The following EFNA5 variants were observed in gnomAD, a reference collection of about 807,000 sequenced individuals.
EFNA5 encodes ephrin A5.
In EFNA5, 5 loss-of-function variants were observed where a neutral mutation model predicts 22.9. The observed-to-expected ratio is 0.22, with a 90% CI of 0.11 to 0.46. EFNA5 has a LOEUF of 0.46. Ranked by LOEUF, EFNA5 falls within the 20% of genes least tolerant of loss-of-function variation. EFNA5 has a pLI of 0.99. For synonymous variants in EFNA5, 113 were observed against 112.2 expected (o/e 1.01, Z -0.04); for missense variants, 237 against 293.3 (o/e 0.81, Z 1.40).
Position 107,575,798 on chromosome 5 carries a change from T to C in EFNA5, c.125+94691A>G, listed in dbSNP as rs547761195. Among the ~76,000 whole-genome samples the C allele has an allele frequency of 1.4e-3, 219 of 152,288 alleles. 1 individual carries two copies. The highest frequency in any genetic ancestry group is 1.0e-3 in the Non-Finnish European group (71 of 68,028). The stretch of plus-strand genomic sequence containing the variant: ...GAGATTATAAAGAAAAAAGACAGCA[T>C]CTAGGATTCCACCTATTTAACATGA... On this transcript the variant is annotated intron_variant, in intron 1 of 4. Transcript: ENST00000333274.
chr5:107,418,080 T>C (rs567815646), intron 2 of EFNA5, among the ~76,000 whole-genome samples: 1 of 152,352 alleles, frequency 6.6e-6, no homozygotes, highest in South Asian at 2.1e-4. Context: ...AGATTGACTA[T>C]GCATTTGGTG....
chr5:107,510,000 T>C (rs1001331840), intron 1 of EFNA5, among the ~76,000 whole-genome samples: 14 of 152,322 alleles, frequency 9.2e-5, no homozygotes, highest in Non-Finnish European at 1.5e-4. Flanking sequence ...ATAAGGGCTA[T>C]GTAAAATGAG....
intron 1 of EFNA5, among the ~76,000 whole-genome samples, chr5:107,434,234 G>GT (rs1406530018): frequency 5.9e-5 from 9 of 152,184 alleles, no homozygotes; most frequent in African/African-American, 2.2e-4. Flanking sequence ...CTCTGACCCT[G>GT]TCTCTTGGTT....
At chr5:107,605,260 T>A (rs776751719) in intron 1 of EFNA5, among the ~76,000 whole-genome samples, 1 of 152,054 alleles carries the variant, frequency 6.6e-6, no homozygotes, top group Non-Finnish European at 1.5e-5. Flanking sequence ...AAGGAAAGCA[T>A]ATATATGACC....
At chr5:107,390,844 A>G (rs928403124) in intron 2 of EFNA5, among the ~76,000 whole-genome samples, 1 of 152,224 alleles carries the variant, frequency 6.6e-6, no homozygotes, top group Non-Finnish European at 1.5e-5. Flanking sequence ...AGCTTCATCT[A>G]TCATTTCAAA....
intron 1 of EFNA5, among the ~76,000 whole-genome samples, chr5:107,482,961 G>T (rs1378768705): frequency 6.6e-6 from 1 of 150,464 alleles, no homozygotes; most frequent in Non-Finnish European, 1.5e-5. Context: ...AAATTGAAAA[G>T]AGCACTGAGG....
intron 1 of EFNA5, among the ~76,000 whole-genome samples, chr5:107,551,514 G>A (rs956292787): frequency 6.6e-6 from 1 of 152,140 alleles, no homozygotes; most frequent in Non-Finnish European, 1.5e-5. Context: ...TGGTCAGCAA[G>A]AAAACGGAAG....
intron 1 of EFNA5, among the ~76,000 whole-genome samples, chr5:107,621,513 T>C (rs1750036509): frequency 6.6e-6 from 1 of 152,132 alleles, no homozygotes. Context: ...ATTTCATATC[T>C]GATTATATGA....
chr5:107,535,519 C>T (rs1186442466), intron 1 of EFNA5, among the ~76,000 whole-genome samples: 5 of 151,828 alleles, frequency 3.3e-5, no homozygotes, highest in Non-Finnish European at 7.4e-5. Context: ...TAAGATTAAT[C>T]AAATGATAAA....
At chr5:107,406,347 C>A (rs781240393) in intron 2 of EFNA5, among the ~76,000 whole-genome samples, 2 of 151,972 alleles carry the variant, frequency 1.3e-5, no homozygotes, top group Non-Finnish European at 2.9e-5. Context: ...ACGTTCCTTT[C>A]CCTTTGTTCA....
At chr5:107,403,282 G>A (rs896463947) in intron 2 of EFNA5, among the ~76,000 whole-genome samples, 6 of 152,140 alleles carry the variant, frequency 3.9e-5, no homozygotes, top group Non-Finnish European at 7.3e-5. Context: ...TTTAAAACAA[G>A]AACACATCTC....
intron 1 of EFNA5, among the ~76,000 whole-genome samples, chr5:107,487,844 A>T (rs1203868930): frequency 6.6e-6 from 1 of 152,244 alleles, no homozygotes; most frequent in Non-Finnish European, 1.5e-5. Context: ...AACAGGTGCC[A>T]ACAAATATTT....
intron 1 of EFNA5, among the ~76,000 whole-genome samples, chr5:107,641,470 A>G (rs959948783): frequency 1.3e-5 from 2 of 152,198 alleles, no homozygotes; most frequent in African/African-American, 4.8e-5. Flanking sequence ...TTTCTGATTA[A>G]GGTTACTATG....
chr5:107,527,756 G>A (rs1399355757), intron 1 of EFNA5, among the ~76,000 whole-genome samples: 1 of 152,154 alleles, frequency 6.6e-6, no homozygotes, highest in African/African-American at 2.4e-5. Flanking sequence ...GATGTGGCAG[G>A]TAGGGAAGTT....
At chr5:107,490,612 C>T (rs1011632609) in intron 1 of EFNA5, among the ~76,000 whole-genome samples, 1 of 150,316 alleles carries the variant, frequency 6.7e-6, no homozygotes, top group Non-Finnish European at 1.5e-5. Flanking sequence ...GGGTAGGCTA[C>T]CACCTGCACT....
chr5:107,485,099 A>G (rs1041257264), intron 1 of EFNA5, among the ~76,000 whole-genome samples: 3 of 152,160 alleles, frequency 2.0e-5, no homozygotes, highest in African/African-American at 7.2e-5. Flanking sequence ...AAAAGGTAGG[A>G]AATACAAATC....
At chr5:107,480,795 C>T (rs1397936020) in intron 1 of EFNA5, among the ~76,000 whole-genome samples, 1 of 152,082 alleles carries the variant, frequency 6.6e-6, no homozygotes, top group Non-Finnish European at 1.5e-5. Flanking sequence ...AGGCCTTGTA[C>T]TGGGAGTGAA....
At chr5:107,410,282 A>C (rs904201584) in intron 2 of EFNA5, among the ~76,000 whole-genome samples, 2 of 152,104 alleles carry the variant, frequency 1.3e-5, no homozygotes, top group Non-Finnish European at 2.9e-5. Flanking sequence ...TGCCTGCCTC[A>C]GCCTCCCAAT....
chr5:107,406,856 C>A (rs1748236725), intron 2 of EFNA5, among the ~76,000 whole-genome samples: 1 of 152,144 alleles, frequency 6.6e-6, no homozygotes, highest in Non-Finnish European at 1.5e-5. Flanking sequence ...GACAACATCA[C>A]CTCAAGAAAA....
Sources: allele counts gnomAD v4.1 joint callset (sites outside exome capture counted in the v4.1 genomes callset), GRCh38; gene constraint gnomAD v4.1.1; transcripts MANE v1.5; gene names NCBI Gene and HGNC (gene_info 2026-07-23, HGNC 2026-07-21).